The following UBP1 variants were observed in gnomAD, a reference collection of about 807,000 sequenced individuals.
UBP1 encodes upstream-binding protein 1.
A neutral mutation model predicts 76.1 loss-of-function variants in UBP1; 22 were observed. The observed-to-expected ratio is 0.29, with a 90% CI of 0.21 to 0.41. The LOEUF (loss-of-function observed/expected upper bound fraction) is 0.41, where lower values mean the gene tolerates loss of function less well. Ranked by LOEUF, UBP1 falls within the 10% of genes least tolerant of loss-of-function variation. UBP1 has a pLI of 1.00. For synonymous variants in UBP1, 224 were observed against 237.1 expected (o/e 0.94, Z 0.51); for missense variants, 436 against 668.1 (o/e 0.65, Z 3.83).
At chr3:33,418,692 C>G (rs1031135400) in intron 2 of UBP1, among the ~76,000 whole-genome samples, 1 of 151,590 alleles carries the variant, frequency 6.6e-6, no homozygotes, top group Non-Finnish European at 1.5e-5. Context: ...AACCTCATCT[C>G]TACTAAAAAT....
chr3:33,389,219 A>C lies in UBP1; in HGVS notation c.*1112T>G, dbSNP rs970565070. ...GTATGTGGTGTATAAAAAGCCCCTA[A>C]ATCATCACCAGAATGTCTATCCATG... On this transcript the variant is annotated 3_prime_UTR_variant, in exon 16 of 16. Coordinates refer to ENST00000283629, the MANE Select transcript of UBP1 (RefSeq NM_014517.5). 1 of 152,620 alleles carries C rather than the reference A, an allele frequency of 6.6e-6. No homozygotes were observed. Among genetic ancestry groups the C allele is most frequent in the African/African-American group, 2.4e-5 (1 of 41,434 alleles). The allele number at this position is 152,620 out of a possible 1,614,324, so 9.5% of individuals were successfully genotyped here.
chr3:33,396,222 G>A lies in UBP1; in HGVS notation c.1330C>T (p.Leu444=), dbSNP rs766634491. 4 of 1,595,880 alleles carry A rather than the reference G, an allele frequency of 2.5e-6. 1 individual carries two copies. Among genetic ancestry groups the A allele is most frequent in the East Asian group, 4.5e-5 (2 of 44,390 alleles). ...VCREQPSSTV[L]QGQQQAASSA... The stretch of plus-strand genomic sequence containing the variant: ...CTTGCAGCTTGCTGCTGCCCTTGCA[G>A]CACTGTGCTGCTTGGCTGCTCCCGG... Residue 444 remains leucine (L), a synonymous_variant, in exon 13 of 16, where the codon CTG becomes TTG. Transcript: ENST00000283629.
At position 33,439,883 on chromosome 3, in the gene UBP1, C is replaced by G. The variant is rs755084248; in HGVS notation, c.-35G>C. On this transcript the variant is annotated 5_prime_UTR_variant, in exon 1 of 16. Coordinates refer to ENST00000283629, the MANE Select transcript of UBP1 (RefSeq NM_014517.5). ...TCGCCGTCGCCCCGCACACCGCGGCCTCCGCGTCCAGGGCGAAGGAGCCGG... is the reference window on the plus strand; with the variant it reads ...TCGCCGTCGCCCCGCACACCGCGGCGTCCGCGTCCAGGGCGAAGGAGCCGG... 6.2e-7 allele frequency: 1 copy of G among 1,607,894 alleles called. No individual in the cohort carries two copies. The highest frequency in any genetic ancestry group is 8.5e-7 in the Non-Finnish European group (1 of 1,177,722).
chr3:33,397,630 G>A (rs528956560), intron 11 of UBP1: 6 of 152,282 alleles, frequency 3.9e-5, no homozygotes, highest in South Asian at 4.2e-4. Context: ...ATTCTGAAAC[G>A]TGCAATGTAA....
chr3:33,416,767 T>C lies in UBP1; in HGVS notation c.333A>G (p.Lys111=), dbSNP rs1233093495. 6.2e-7 allele frequency: 1 copy of C among 1,612,676 alleles called. No individual in the cohort carries two copies. The highest frequency in any genetic ancestry group is 1.7e-5 in the Admixed American group (1 of 59,960). Residue 111 remains lysine (K), a synonymous_variant, in exon 3 of 16, where the codon AAA becomes AAG. Coordinates refer to ENST00000283629, the MANE Select transcript of UBP1 (RefSeq NM_014517.5). ...KMGDMPEING[K]LVKSIIRVVF... is the part of the protein sequence containing the mutation. ...AATGGACTGTCCTTACCTTTACTAA[T>C]TTTCCATTGATCTCAGGCATATCAC...
chr3:33,407,049 A>G (rs1200661165), intron 8 of UBP1, among the ~76,000 whole-genome samples: 1 of 152,218 alleles, frequency 6.6e-6, no homozygotes, highest in African/African-American at 2.4e-5. Context: ...CCTTTGTAGG[A>G]GTTTGAAGAA....
At chr3:33,432,756 C>T (rs1313920289) in intron 1 of UBP1, among the ~76,000 whole-genome samples, 1 of 152,148 alleles carries the variant, frequency 6.6e-6, no homozygotes, top group Non-Finnish European at 1.5e-5. Flanking sequence ...ATACAGAATC[C>T]TGGATTGGAA....
At chr3:33,390,852 A>G (rs1050609719) in intron 15 of UBP1, 1 of 153,378 alleles carries the variant, frequency 6.5e-6, no homozygotes, top group Non-Finnish European at 1.5e-5. Flanking sequence ...CTCAGTAAAT[A>G]GTGAGAAGCA....
chr3:33,393,546 CT>C, intron 13 of UBP1, 92 bp from the exon 14 acceptor site: 1 of 1,238,698 alleles, frequency 8.1e-7, no homozygotes, highest in Non-Finnish European at 1.1e-6. Flanking sequence ...AAGGTCACAC[CT>C]TTCAAAGTAC....
At chr3:33,418,764 C>G (rs962617168) in intron 2 of UBP1, among the ~76,000 whole-genome samples, 1 of 148,240 alleles carries the variant, frequency 6.7e-6, no homozygotes, top group African/African-American at 2.5e-5. Context: ...GAAGCTGAGG[C>G]AGAAGAATCG....
At chr3:33,433,251 G>T (rs917775189) in intron 1 of UBP1, among the ~76,000 whole-genome samples, 11 of 150,326 alleles carry the variant, frequency 7.3e-5, no homozygotes, top group African/African-American at 2.7e-4. Context: ...AGTAGAGACG[G>T]GGTTTCACCA....
intron 14 of UBP1, 135 bp from the exon 15 acceptor site, chr3:33,392,749 G>A (rs1453956020): frequency 3.8e-6 from 3 of 779,774 alleles, no homozygotes; most frequent in Non-Finnish European, 6.1e-6. Flanking sequence ...TGAAGGCAGT[G>A]TGAGGCAGCA....
rs2043662169 is a variant in UBP1, at chr3:33,389,390, A to C, written c.*941T>G. ...TAACACCTAGTCAGAAGCTATCAAC[A>C]ATAATACTTTCTCCCCCTACTTGGG... On this transcript the variant is annotated 3_prime_UTR_variant, in exon 16 of 16. Coordinates refer to ENST00000283629, the MANE Select transcript of UBP1 (RefSeq NM_014517.5). 1 of 151,026 alleles carries C rather than the reference A, an allele frequency of 6.6e-6. No homozygotes were observed. The highest frequency in any genetic ancestry group is 2.1e-4 in the South Asian group (1 of 4,708). 9.4% of individuals were successfully genotyped at this position (151,026 alleles called of 1,614,324 possible).
intron 3 of UBP1, 60 bp downstream of exon 3, chr3:33,416,697 TA>T: frequency 7.7e-7 from 1 of 1,299,366 alleles, no homozygotes; most frequent in Non-Finnish European, 1.1e-6. Context: ...AATTTTTTTT[TA>T]AACAAAAACT....
Position 33,416,844 on chromosome 3 carries a change from G to T in UBP1, c.266-10C>A. The T allele has an allele frequency of 6.2e-7, 1 of 1,609,238 alleles. No individual in the cohort carries two copies. The highest frequency in any genetic ancestry group is 2.2e-5 in the East Asian group (1 of 44,748). On this transcript the variant is annotated splice_polypyrimidine_tract_variant and intron_variant, in intron 2 of 15. Transcript: ENST00000283629. ...ATTTCATATGACTGACCTATTTAAAGAAATTGTGTATAAAAAACAATCCTT... is the reference window on the plus strand; with the variant it reads ...ATTTCATATGACTGACCTATTTAAATAAATTGTGTATAAAAAACAATCCTT...
At chr3:33,410,552 C>T (rs1375230269) in intron 5 of UBP1, among the ~76,000 whole-genome samples, 1 of 152,156 alleles carries the variant, frequency 6.6e-6, no homozygotes, top group Non-Finnish European at 1.5e-5. Flanking sequence ...ACAGTTCATG[C>T]AAAGCATAGC....
In UBP1 at chr3:33,439,730, C is replaced by T. The variant is rs2045260870; in HGVS notation, c.113+6G>A. The T allele has an allele frequency of 1.2e-5, 19 of 1,611,456 alleles. No individual in the cohort carries two copies. Among genetic ancestry groups the T allele is most frequent in the Admixed American group, 1.7e-5 (1 of 59,796 alleles). On this transcript the variant is annotated splice_donor_region_variant and intron_variant, in intron 1 of 15. Transcript: ENST00000283629. ...GAGGCTTCTCCCCGCCCAGGGAGCC[C>T]AGTACCTCATGCTGTAAGCGCCGGC...
chr3:33,422,457 C>T (rs975918383), intron 2 of UBP1, among the ~76,000 whole-genome samples: 2 of 152,050 alleles, frequency 1.3e-5, no homozygotes, highest in African/African-American at 4.8e-5. Context: ...TGGTTCACGC[C>T]TATAATCCCA....
At chr3:33,429,772 A>T (rs1230062444) in intron 1 of UBP1, among the ~76,000 whole-genome samples, 1 of 152,256 alleles carries the variant, frequency 6.6e-6, no homozygotes, top group African/African-American at 2.4e-5. Flanking sequence ...ATCTACTAGG[A>T]CATCTAAAAA....
Sources: allele counts gnomAD v4.1 joint callset (sites outside exome capture counted in the v4.1 genomes callset), GRCh38; gene constraint gnomAD v4.1.1; transcripts MANE v1.5; gene names NCBI Gene and HGNC (gene_info 2026-07-23, HGNC 2026-07-21).